The following CPA6 variants were observed in gnomAD, a reference collection of about 807,000 sequenced individuals.
The protein encoded by CPA6 is carboxypeptidase A6, also known as carboxypeptidase B.
Under a neutral mutation model 63.3 loss-of-function variants are expected in CPA6, and 58 were observed. The observed-to-expected ratio is 0.92, with a 90% CI of 0.74 to 1.14. CPA6 has a LOEUF of 1.14. Ranked by LOEUF, CPA6 falls within the 50% of genes most tolerant of loss-of-function variation. The pLI, the probability that CPA6 is intolerant of heterozygous loss-of-function variation, is 0.00. For missense variants in CPA6, 565 were observed against 526.6 expected (o/e 1.07, Z -0.71); for synonymous variants, 185 against 179.0 (o/e 1.03, Z -0.27).
At chr8:67,612,877 A>T (rs1400329482) in intron 2 of CPA6, among the ~76,000 whole-genome samples, 2 of 152,230 alleles carry the variant, frequency 1.3e-5, no homozygotes, top group Non-Finnish European at 2.9e-5. Context: ...AGGCTTAAAG[A>T]GATACAGACA....
chr8:67,619,666 T>C (rs1430556625), intron 2 of CPA6, among the ~76,000 whole-genome samples: 1 of 152,144 alleles, frequency 6.6e-6, no homozygotes, highest in Non-Finnish European at 1.5e-5. Context: ...GTTTTTCAGA[T>C]CTTGAATTCC....
chr8:67,481,077 G>A (rs1449124170), intron 8 of CPA6, among the ~76,000 whole-genome samples: 3 of 152,166 alleles, frequency 2.0e-5, no homozygotes, highest in African/African-American at 7.2e-5. Flanking sequence ...GTAGATATAT[G>A]ATTTGCAAAA....
At chr8:67,677,106 A>G (rs1322191377) in intron 1 of CPA6, among the ~76,000 whole-genome samples, 2 of 152,186 alleles carry the variant, frequency 1.3e-5, no homozygotes, top group Non-Finnish European at 2.9e-5. Context: ...CTCCGTCAGG[A>G]GTTGCACAGG....
At chr8:67,720,573 G>A (rs1217669400) in intron 1 of CPA6, among the ~76,000 whole-genome samples, 1 of 152,172 alleles carries the variant, frequency 6.6e-6, no homozygotes, top group East Asian at 1.9e-4. Context: ...GGAGGGGATG[G>A]GATCCAGTGA....
chr8:67,601,940 T>C (rs985429693), intron 2 of CPA6, among the ~76,000 whole-genome samples: 2 of 152,202 alleles, frequency 1.3e-5, no homozygotes, highest in Non-Finnish European at 2.9e-5. Context: ...ACAATGTTTA[T>C]AACAGCATAA....
chr8:67,526,091 C>T (rs2128968080), intron 2 of CPA6, among the ~76,000 whole-genome samples: 1 of 152,332 alleles, frequency 6.6e-6, no homozygotes. Context: ...TGGGAAACGA[C>T]AGGCAATCTC....
chr8:67,647,211 TAC>T (rs540698796), intron 1 of CPA6, among the ~76,000 whole-genome samples: 32 of 152,210 alleles, frequency 2.1e-4, no homozygotes, highest in African/African-American at 7.0e-4. Context: ...AAAGAGGAGT[TAC>T]AGAGGATGTA....
At chr8:67,709,698 A>C (rs538465573) in intron 1 of CPA6, among the ~76,000 whole-genome samples, 12 of 152,222 alleles carry the variant, frequency 7.9e-5, no homozygotes, top group Non-Finnish European at 1.0e-4. Context: ...ATTCCAGGGA[A>C]ACAGGAATTG....
chr8:67,448,199 C>T (rs1188801255), intron 8 of CPA6, among the ~76,000 whole-genome samples: 1 of 152,158 alleles, frequency 6.6e-6, no homozygotes, highest in East Asian at 1.9e-4. Context: ...TAATCTTTTC[C>T]TTACCCAAGT....
intron 1 of CPA6, among the ~76,000 whole-genome samples, chr8:67,714,296 G>A (rs1817333447): frequency 6.6e-6 from 1 of 152,176 alleles, no homozygotes. Flanking sequence ...CTAAAAAGGA[G>A]AATTTGCCCC....
At chr8:67,709,641 T>G (rs1313917298) in intron 1 of CPA6, among the ~76,000 whole-genome samples, 1 of 152,190 alleles carries the variant, frequency 6.6e-6, no homozygotes, top group Non-Finnish European at 1.5e-5. Flanking sequence ...TGAATATGTC[T>G]TGAGAAAGTG....
intron 1 of CPA6, among the ~76,000 whole-genome samples, chr8:67,734,082 G>T: frequency 6.6e-6 from 1 of 150,792 alleles, no homozygotes. Context: ...TTCTCATGTT[G>T]GCCAGGCTGG....
rs530540829 is a variant in CPA6 at position 67,665,508 on chromosome 8, CT to C, written c.117-41258del. On this transcript the variant is annotated intron_variant, in intron 1 of 10. Coordinates refer to ENST00000297770, the MANE Select transcript of CPA6 (RefSeq NM_020361.5). ...AACACTCTGTTGGGGCATAACTATTCTGAAAATTCTTTAAAAATAAGTAGAA... is the reference window on the plus strand; with the variant it reads ...AACACTCTGTTGGGGCATAACTATTCGAAAATTCTTTAAAAATAAGTAGAA... Among the ~76,000 whole-genome samples, 523 of 152,324 alleles carry C rather than the reference CT, an allele frequency of 3.4e-3. 5 individuals are homozygous for C. Among genetic ancestry groups the C allele is most frequent in the African/African-American group, 0.012 (487 of 41,570 alleles).
intron 2 of CPA6, among the ~76,000 whole-genome samples, chr8:67,566,629 C>A (rs982614077): frequency 6.6e-6 from 1 of 152,108 alleles, no homozygotes; most frequent in African/African-American, 2.4e-5. Flanking sequence ...CTTTCTCTAC[C>A]CAAAGTGGAC....
chr8:67,498,399 G>T (rs1811764733), intron 6 of CPA6, among the ~76,000 whole-genome samples: 2 of 151,788 alleles, frequency 1.3e-5, no homozygotes, highest in South Asian at 4.2e-4. Context: ...AGCAGTGTGT[G>T]GTGGTGCGCA....
intron 1 of CPA6, among the ~76,000 whole-genome samples, chr8:67,716,151 C>CAAAAAAAAAAAAAAAAAAAAAAAAAAA (rs56275918): frequency 7.8e-5 from 6 of 76,546 alleles, no homozygotes; most frequent in African/African-American, 4.0e-4. Context: ...GAGCTTGTCT[C>CAAAAAAAAAAAAAAAAAAAAAAAAAAA]AAAAAAAAAA....
intron 1 of CPA6, among the ~76,000 whole-genome samples, chr8:67,662,412 T>C (rs1392522595): frequency 1.3e-5 from 2 of 148,474 alleles, no homozygotes; most frequent in South Asian, 2.1e-4. Context: ...TACACACACG[T>C]ATATGTATAT....
intron 5 of CPA6, among the ~76,000 whole-genome samples, chr8:67,507,156 T>A (rs1044051207): frequency 5.9e-5 from 9 of 151,978 alleles, no homozygotes; most frequent in Non-Finnish European, 1.0e-4. Context: ...ATTTTTAAAA[T>A]TTTTTAATTT....
chr8:67,554,956 C>T (rs1216375745), intron 2 of CPA6, among the ~76,000 whole-genome samples: 1 of 152,168 alleles, frequency 6.6e-6, no homozygotes, highest in Non-Finnish European at 1.5e-5. Flanking sequence ...GCAGTCCAAT[C>T]GTCTGAATCA....
Sources: gnomAD v4.1 joint callset for allele counts (sites outside exome capture counted in the v4.1 genomes callset) on GRCh38, gnomAD v4.1.1 for gene constraint, MANE v1.5 for transcripts, NCBI Gene and HGNC (gene_info 2026-07-23, HGNC 2026-07-21) for gene names.